Variants in HAT1 observed in about 807,000 individuals in gnomAD.
HAT1 encodes histone acetyltransferase 1, also known as histone acetyltransferase type B catalytic subunit.
In HAT1, 20 loss-of-function variants were observed where a neutral mutation model predicts 56.6. The observed-to-expected ratio is 0.35, with a 90% CI of 0.25 to 0.51. The LOEUF (loss-of-function observed/expected upper bound fraction) is 0.51, where lower values mean the gene tolerates loss of function less well. HAT1 is among the 20% of genes least tolerant of loss of function. The pLI, the probability that HAT1 is intolerant of heterozygous loss-of-function variation, is 0.95. For missense variants in HAT1, 408 were observed against 504.3 expected (o/e 0.81, Z 1.83); for synonymous variants, 146 against 165.5 (o/e 0.88, Z 0.91).
chr2:171,951,585 A>G (rs78189985), intron 3 of HAT1, among the ~76,000 whole-genome samples: 1 of 121,690 alleles, frequency 8.2e-6, no homozygotes, highest in South Asian at 2.6e-4. Flanking sequence ...ACACCTGCCT[A>G]TTTTTTTTTT....
chr2:171,935,566 G>A (rs901770553), intron 2 of HAT1, among the ~76,000 whole-genome samples: 1 of 151,148 alleles, frequency 6.6e-6, no homozygotes, highest in African/African-American at 2.4e-5. Flanking sequence ...GTCTTGGTGG[G>A]GGCTGAAGAA....
chr2:171,943,410 CAAAAAAAAAAAA>C (rs377749207), intron 2 of HAT1, among the ~76,000 whole-genome samples: 4 of 58,678 alleles, frequency 6.8e-5, no homozygotes, highest in South Asian at 7.2e-4. Context: ...GACTCTGTCT[CAAAAAAAAAAAA>C]AAAAAAAAAA....
chr2:171,946,254 G>C (rs115827962), intron 2 of HAT1, among the ~76,000 whole-genome samples: 2,051 of 152,244 alleles, frequency 0.013, 43 homozygotes, highest in African/African-American at 0.045. Context: ...ACAAACATGA[G>C]AACAACATAA....
chr2:171,964,298 G>C (rs573917561), intron 4 of HAT1, among the ~76,000 whole-genome samples: 1 of 152,288 alleles, frequency 6.6e-6, no homozygotes, highest in East Asian at 1.9e-4. Flanking sequence ...GAGCTGCTTA[G>C]TAAGTTAACA....
intron 6 of HAT1, 51 bp from the exon 7 acceptor site, chr2:171,966,358 C>T: frequency 1.1e-6 from 1 of 914,422 alleles, no homozygotes; most frequent in Non-Finnish European, 1.8e-6. Context: ...ATGGACACTG[C>T]ATGGGAGCGC....
intron 2 of HAT1, among the ~76,000 whole-genome samples, chr2:171,936,303 G>A (rs1452410105): frequency 6.6e-6 from 1 of 152,202 alleles, no homozygotes; most frequent in Admixed American, 6.5e-5. Context: ...AGGATACCTT[G>A]TTCTAGCAGT....
chr2:171,965,861 T>C lies in HAT1; in HGVS notation c.564T>C (p.Thr188=). Residue 188 remains threonine (T), a synonymous_variant, in exon 6 of 11, where the codon ACT becomes ACC. Transcript: ENST00000264108. ...LQTFLMWFIE[T]ASFIDVDDER... is the part of the protein sequence containing the mutation. The stretch of plus-strand genomic sequence containing the variant: ...CCTTTTTGATGTGGTTTATTGAAAC[T>C]GCTAGCTTTATTGACGTGGATGATG... 1 of 1,613,014 alleles carries C rather than the reference T, an allele frequency of 6.2e-7. No individual in the cohort carries two copies. Among genetic ancestry groups the C allele is most frequent in the Non-Finnish European group, 8.5e-7 (1 of 1,178,984 alleles).
intron 4 of HAT1, among the ~76,000 whole-genome samples, chr2:171,964,566 T>C (rs1236427753): frequency 6.6e-6 from 1 of 152,178 alleles, no homozygotes; most frequent in Non-Finnish European, 1.5e-5. Flanking sequence ...TAAGACTTCA[T>C]CAAATATTCA....
intron 2 of HAT1, among the ~76,000 whole-genome samples, chr2:171,936,628 T>C (rs1686879339): frequency 6.6e-6 from 1 of 152,142 alleles, no homozygotes; most frequent in African/African-American, 2.4e-5. Flanking sequence ...GGATTAATTA[T>C]GGCATCTCTA....
intron 8 of HAT1, among the ~76,000 whole-genome samples, chr2:171,975,928 C>G (rs894217430): frequency 6.7e-6 from 1 of 148,742 alleles, no homozygotes; most frequent in African/African-American, 2.5e-5. Context: ...TTAAGAGTGA[C>G]TCTTAGGTTA....
chr2:171,929,235 GT>G (rs1173782211), intron 2 of HAT1, among the ~76,000 whole-genome samples: 1 of 151,638 alleles, frequency 6.6e-6, no homozygotes, highest in Non-Finnish European at 1.5e-5. Flanking sequence ...ATTAAGGATT[GT>G]TTTTTTAATG....
At chr2:171,964,753 G>T (rs1161640934) in intron 4 of HAT1, 1 of 152,096 alleles carries the variant, frequency 6.6e-6, no homozygotes, top group Non-Finnish European at 1.5e-5. Flanking sequence ...ACAAATCCAG[G>T]TCTGTAAGAA....
intron 10 of HAT1, chr2:171,980,262 TTATA>T (rs376365916): frequency 2.6e-5 from 4 of 151,910 alleles, no homozygotes; most frequent in Non-Finnish European, 4.4e-5. Flanking sequence ...TTCTCAGTTG[TTATA>T]TATATATATT....
intron 2 of HAT1, among the ~76,000 whole-genome samples, chr2:171,936,874 C>T (rs1393801515): frequency 6.6e-6 from 1 of 152,110 alleles, no homozygotes. Context: ...TACTATACCC[C>T]GTGGGGGCCA....
At chr2:171,974,202 A>G (rs1401651334) in intron 8 of HAT1, among the ~76,000 whole-genome samples, 2 of 73,222 alleles carry the variant, frequency 2.7e-5, no homozygotes, top group Non-Finnish European at 6.3e-5. Flanking sequence ...AGAAAAAAAG[A>G]AAAAGAAAAA....
At chr2:171,974,085 G>A (rs1200483754) in intron 8 of HAT1, among the ~76,000 whole-genome samples, 3 of 150,282 alleles carry the variant, frequency 2.0e-5, no homozygotes, top group African/African-American at 7.4e-5. Flanking sequence ...AGGCTGAGGT[G>A]GGAGGATCAC....
intron 8 of HAT1, among the ~76,000 whole-genome samples, chr2:171,974,817 T>C (rs1574067292): frequency 2.0e-5 from 3 of 152,366 alleles, no homozygotes; most frequent in African/African-American, 7.2e-5. Context: ...CGCTTTGTTC[T>C]GCATGTATTG....
In HAT1 at chr2:171,949,360, GTACCA is replaced by G. The variant is rs559109304; in HGVS notation, c.188+2578_188+2582del. Among the ~76,000 whole-genome samples the G allele has an allele frequency of 1.3e-4, 20 of 152,156 alleles. No individual in the cohort carries two copies. In the East Asian group the frequency reaches 2.7e-3, roughly 21 times the overall value. On this transcript the variant is annotated intron_variant, in intron 3 of 10. Transcript: ENST00000264108. ...CCTGAGGAGCTGGGACTATAGGCGT[GTACCA>G]CCATACCCAGCTAATTTTTAAAAAT...
chr2:171,957,496 C>G (rs929254314), intron 4 of HAT1, among the ~76,000 whole-genome samples: 2 of 152,070 alleles, frequency 1.3e-5, no homozygotes, highest in African/African-American at 4.8e-5. Flanking sequence ...GGAATTTTGC[C>G]CTAGGATGTA....
Sources: gnomAD v4.1 joint callset for allele counts (sites outside exome capture counted in the v4.1 genomes callset) on GRCh38, gnomAD v4.1.1 for gene constraint, MANE v1.5 for transcripts, NCBI Gene and HGNC (gene_info 2026-07-23, HGNC 2026-07-21) for gene names.